Variants in CPT1A observed in about 807,000 individuals in gnomAD.
CPT1A encodes carnitine O-palmitoyltransferase 1, liver isoform.
CPT1A carries 64 observed loss-of-function variants against 100.8 expected under a neutral mutation model. The observed-to-expected ratio is 0.63, with a 90% CI of 0.52 to 0.78. The LOEUF is 0.78. CPT1A is among the 30% of genes least tolerant of loss of function. The pLI, the probability that CPT1A is intolerant of heterozygous loss-of-function variation, is 0.00. For synonymous variants in CPT1A, 363 were observed against 396.0 expected (o/e 0.92, Z 0.99); for missense variants, 802 against 1,034.1 (o/e 0.78, Z 3.08).
intron 10 of CPT1A, among the ~76,000 whole-genome samples, chr11:68,782,984 C>T (rs1403773860): frequency 1.3e-5 from 2 of 152,192 alleles, no homozygotes; most frequent in Non-Finnish European, 2.9e-5. Context: ...CTCAGGCTCC[C>T]CACGTCTCCT....
At chr11:68,770,876 C>A (rs371260440) in intron 14 of CPT1A, among the ~76,000 whole-genome samples, 5 of 152,318 alleles carry the variant, frequency 3.3e-5, no homozygotes, top group African/African-American at 1.2e-4. Flanking sequence ...CACAGGTTCT[C>A]GAACAAGCCT....
intron 1 of CPT1A, chr11:68,839,460 G>C: frequency 1.0e-6 from 1 of 969,766 alleles, no homozygotes. Context: ...CTCGGATCCT[G>C]TTCCACCCGC....
At chr11:68,780,937 TG>T (rs951401139) in intron 11 of CPT1A, among the ~76,000 whole-genome samples, 192 bp from the exon 12 acceptor site, 4 of 152,324 alleles carry the variant, frequency 2.6e-5, no homozygotes, top group African/African-American at 9.6e-5. Flanking sequence ...ATTTCTTCCC[TG>T]TCCCAGACAC....
At chr11:68,781,652 A>G (rs1404854191) in intron 11 of CPT1A, 119 bp downstream of exon 11, 2 of 943,032 alleles carry the variant, frequency 2.1e-6, no homozygotes, top group East Asian at 4.8e-5. Flanking sequence ...TGAAGGTTAT[A>G]TTTTTATGCC....
chr11:68,813,529 CAAAA>C (rs10590789), intron 2 of CPT1A, among the ~76,000 whole-genome samples: 9 of 81,504 alleles, frequency 1.1e-4, no homozygotes, highest in Admixed American at 1.5e-4. Flanking sequence ...AGGCTCTGTC[CAAAA>C]AAAAAAAAAA....
chr11:68,797,408 C>T (rs1488189679), intron 6 of CPT1A, among the ~76,000 whole-genome samples: 1 of 152,236 alleles, frequency 6.6e-6, no homozygotes, highest in Non-Finnish European at 1.5e-5. Context: ...TGGTGGCTCA[C>T]ACCTGTAATC....
chr11:68,810,531 C>T (rs1429714083), intron 3 of CPT1A, among the ~76,000 whole-genome samples: 3 of 152,140 alleles, frequency 2.0e-5, no homozygotes, highest in African/African-American at 7.2e-5. Flanking sequence ...GCTGGACGCT[C>T]GATGACTCTG....
chr11:68,771,022 G>A (rs1413332856), intron 14 of CPT1A, among the ~76,000 whole-genome samples: 1 of 152,230 alleles, frequency 6.6e-6, no homozygotes, highest in Non-Finnish European at 1.5e-5. Flanking sequence ...CTCCTGCCAA[G>A]TACATGGCAC....
chr11:68,843,165 G>C (rs190340083), upstream of CPT1A, among the ~76,000 whole-genome samples: 16 of 151,036 alleles, frequency 1.1e-4, no homozygotes, highest in African/African-American at 3.9e-4. The surrounding 1 kb of genome is among the most constrained non-coding windows in gnomAD (Gnocchi z 4.0). Context: ...TGCGGTTCCC[G>C]GGCTCGCTGT....
chr11:68,816,555 C>T (rs1856394847), intron 1 of CPT1A, among the ~76,000 whole-genome samples: 1 of 152,172 alleles, frequency 6.6e-6, no homozygotes, highest in African/African-American at 2.4e-5. Context: ...GGCCGCCTTC[C>T]TTCAGGCTCC....
intron 1 of CPT1A, among the ~76,000 whole-genome samples, chr11:68,836,732 G>A (rs1224976842): frequency 6.6e-6 from 1 of 151,462 alleles, no homozygotes; most frequent in Non-Finnish European, 1.5e-5. Flanking sequence ...AGATCATACC[G>A]CTACACTCCA....
chr11:68,814,026 C>T (rs568181439), intron 2 of CPT1A, among the ~76,000 whole-genome samples: 19 of 152,036 alleles, frequency 1.2e-4, no homozygotes, highest in African/African-American at 4.1e-4. Flanking sequence ...GTGCCGCCCT[C>T]GGAGAAGGAG....
At position 68,757,817 on chromosome 11, in the gene CPT1A, G is replaced by A. The variant is rs957455549; in HGVS notation, c.2236-87C>T. The A allele has an allele frequency of 4.5e-6, 5 of 1,122,250 alleles. No individual in the cohort carries two copies. In the South Asian group the frequency reaches 6.3e-5, roughly 14 times the overall value. The allele number at this position is 1,122,250 out of a possible 1,614,324, so 69.5% of individuals were successfully genotyped here. ...TTTTTCATTTGCAATCTGACCCAAT[G>A]TTTCATTGAAATTCCTTTCTGCCAG... On this transcript the variant is annotated intron_variant, in intron 18 of 18. Coordinates refer to ENST00000265641, the MANE Select transcript of CPT1A (RefSeq NM_001876.4).
chr11:68,801,656 G>A (rs1399231886), intron 5 of CPT1A, among the ~76,000 whole-genome samples: 1 of 145,414 alleles, frequency 6.9e-6, no homozygotes, highest in African/African-American at 2.8e-5. Flanking sequence ...GCAGAGATGG[G>A]AAGACCTTAC....
At chr11:68,799,483 T>C in intron 5 of CPT1A, 128 bp from the exon 6 acceptor site, 1 of 1,033,054 alleles carries the variant, frequency 9.7e-7, no homozygotes, top group Non-Finnish European at 1.5e-6. Context: ...GCATGGTGGC[T>C]CATGCTTGTA....
chr11:68,820,272 T>G (rs996359885), intron 1 of CPT1A, among the ~76,000 whole-genome samples: 1 of 151,980 alleles, frequency 6.6e-6, no homozygotes, highest in African/African-American at 2.4e-5. Flanking sequence ...ACTCAAGTGA[T>G]CCACCCATCT....
In CPT1A at chr11:68,761,687, C is replaced by T. The variant is rs41302429; in HGVS notation, c.1876G>A (p.Val626Met). The change falls in exon 16 of 19, where the codon GTG (valine) becomes ATG (methionine). Residue 626 changes from valine to methionine, a missense_variant and splice_region_variant. By Grantham distance (21) the Val-to-Met change is conservative. This residue lies in a region of CPT1A where 627 missense variants were observed against 799.3 expected (regional missense o/e 0.78). Transcript: ENST00000265641. ...TTGAACAACTTCAGCCTCTGTTCCA[C>T]CTGAGTGACAAAAGGTGGGAAGGAC... is the stretch of plus-strand genomic sequence containing the variant. ...VRAMVDPAQT[V>M]EQRLKLFKLA... 6.2e-7 allele frequency: 1 copy of T among 1,614,170 alleles called. No homozygotes were observed. Among genetic ancestry groups the T allele is most frequent in the Non-Finnish European group, 8.5e-7 (1 of 1,180,018 alleles).
At chr11:68,815,847 C>T (rs1451138166) in intron 1 of CPT1A, among the ~76,000 whole-genome samples, 2 of 149,184 alleles carry the variant, frequency 1.3e-5, no homozygotes, top group Admixed American at 1.3e-4. Context: ...TCCAAGCCAG[C>T]ATCCAGGCCC....
At chr11:68,815,538 T>TA in intron 1 of CPT1A, 51 bp from the exon 2 acceptor site, 5 of 1,568,042 alleles carry the variant, frequency 3.2e-6, no homozygotes, top group South Asian at 2.2e-5. Flanking sequence ...GACCAGACAC[T>TA]AAAAAACCCT....
Sources: allele counts gnomAD v4.1 joint callset (sites outside exome capture counted in the v4.1 genomes callset), GRCh38; gene constraint gnomAD v4.1.1; regional missense constraint gnomAD v4.1.1; non-coding constraint Gnocchi (gnomAD v3.1); transcripts MANE v1.5; gene names NCBI Gene and HGNC (gene_info 2026-07-23, HGNC 2026-07-21).